GSE1: variants seen among roughly 807,000 people sequenced by gnomAD.
The protein encoded by GSE1 is Gse1 coiled-coil protein.
A neutral mutation model predicts 112.6 loss-of-function variants in GSE1; 32 were observed. That is an observed-to-expected ratio of 0.28 (90% CI 0.21 to 0.38). The LOEUF (loss-of-function observed/expected upper bound fraction) is 0.38. GSE1 is among the 10% of genes least tolerant of loss of function. The pLI, the probability that GSE1 is intolerant of heterozygous loss-of-function variation, is 1.00. For missense variants in GSE1, 2,348 were observed against 1,699.2 expected (o/e 1.38, Z -6.71); for synonymous variants, 1,115 against 735.6 (o/e 1.52, Z -8.35).
At chr16:85,428,443 C>T (rs534058066) in intron 2 of GSE1, among the ~76,000 whole-genome samples, 1 of 152,246 alleles carries the variant, frequency 6.6e-6, no homozygotes, top group African/African-American at 2.4e-5. Context: ...TTGAACCTTA[C>T]CAAGCCTCAG....
intron 1 of GSE1, among the ~76,000 whole-genome samples, chr16:85,236,509 G>A (rs1904682238): frequency 6.6e-6 from 1 of 152,216 alleles, no homozygotes; most frequent in Non-Finnish European, 1.5e-5. Context: ...GGGGAGAACG[G>A]CCTGTGCATA....
intron 1 of GSE1, among the ~76,000 whole-genome samples, chr16:85,222,864 A>G (rs931797031): frequency 6.6e-6 from 1 of 152,202 alleles, no homozygotes; most frequent in African/African-American, 2.4e-5. Context: ...AGCTTCCTTC[A>G]TACGGTGGCT....
chr16:85,207,920 AG>A (rs1484541347), intron 1 of GSE1: 1 of 152,128 alleles, frequency 6.6e-6, no homozygotes, highest in African/African-American at 2.4e-5. Context: ...GCTGGGGGGT[AG>A]CTGGGTCTTT....
chr16:85,440,481 C>T (rs527326283), intron 2 of GSE1, among the ~76,000 whole-genome samples: 39 of 152,302 alleles, frequency 2.6e-4, no homozygotes, highest in East Asian at 9.6e-4. Flanking sequence ...CAGCAGGAGA[C>T]GGACAGCTGG....
chr16:85,239,022 G>A (rs181136520), intron 1 of GSE1, among the ~76,000 whole-genome samples: 367 of 152,156 alleles, frequency 2.4e-3, no homozygotes, highest in African/African-American at 8.5e-3. Flanking sequence ...CTGCCTCCCG[G>A]GTTCAAGCAA....
At chr16:85,296,377 G>A (rs913130374) in intron 1 of GSE1, among the ~76,000 whole-genome samples, 4 of 152,134 alleles carry the variant, frequency 2.6e-5, no homozygotes, top group Non-Finnish European at 5.9e-5. Context: ...GGCCGAGCTG[G>A]GTGGACTGCC....
chr16:85,663,440 G>A lies in GSE1; in HGVS notation c.2470G>A (p.Glu824Lys). 6.2e-7 allele frequency: 1 copy of A among 1,613,924 alleles called. No homozygotes were observed. Among genetic ancestry groups the A allele is most frequent in the Non-Finnish European group, 8.5e-7 (1 of 1,180,044 alleles). Reference protein sequence around the residue: ...KRRKRRRMLRERSPSPPTIQS... With the variant: ...KRRKRRRMLRKRSPSPPTIQS... Reference sequence around the variant, plus strand: ...GAGGAAGCGGCGGAGGATGCTGCGAGAGAGAAGCCCGTCGCCCCCAACAAT... The same window carrying A: ...GAGGAAGCGGCGGAGGATGCTGCGAAAGAGAAGCCCGTCGCCCCCAACAAT... The change falls in exon 11 of 16, where the codon GAG becomes AAG. Residue 824 changes from glutamate to lysine, a missense_variant. Physicochemically the swap from Glu to Lys is moderately conservative, Grantham distance 56. Transcript: ENST00000253458.
chr16:85,611,450 A>C, upstream of GSE1: 1 of 984,978 alleles, frequency 1.0e-6, no homozygotes, highest in Non-Finnish European at 1.2e-6. Context: ...CAAGGCCGCA[A>C]GGGGGGCGCC....
At chr16:85,189,059 C>A (rs568618872) in intron 1 of GSE1, among the ~76,000 whole-genome samples, 1 of 152,282 alleles carries the variant, frequency 6.6e-6, no homozygotes, top group Non-Finnish European at 1.5e-5. Context: ...CTGCCGGAAG[C>A]CTATTCCTCA....
intron 1 of GSE1, among the ~76,000 whole-genome samples, chr16:85,356,722 G>C (rs1422735015): frequency 2.6e-5 from 4 of 152,162 alleles, no homozygotes; most frequent in African/African-American, 9.7e-5. Context: ...GAACTCTTAG[G>C]CTCAAGCCAT....
rs527728632 is a variant in GSE1 at position 85,191,393 on chromosome 16, G to A, written c.2283+19586G>A. Among the ~76,000 whole-genome samples, 478 of 152,162 alleles carry A rather than the reference G, an allele frequency of 3.1e-3. 3 individuals carry two copies. The highest frequency in any genetic ancestry group is 3.6e-3 in the Non-Finnish European group (248 of 68,008). ...TTCACAAAATTGTATAACCATCACC[G>A]CTGTCTAATCTTAGAAATTCACCCC... On this transcript the variant is annotated intron_variant, in intron 1 of 2. Transcript: ENST00000637419.
chr16:85,660,628 GTCTT>G (rs1265353750), intron 8 of GSE1, among the ~76,000 whole-genome samples: 1 of 151,778 alleles, frequency 6.6e-6, no homozygotes. Context: ...GACAGAGTGA[GTCTT>G]TTTTTTTGTT....
chr16:85,198,866 CT>C (rs1273448876), intron 1 of GSE1, among the ~76,000 whole-genome samples: 1 of 152,124 alleles, frequency 6.6e-6, no homozygotes, highest in Non-Finnish European at 1.5e-5. Context: ...GCAGCCTCGA[CT>C]TCCTGGGCTC....
chr16:85,463,883 G>A (rs576427026), intron 2 of GSE1, among the ~76,000 whole-genome samples: 1 of 152,198 alleles, frequency 6.6e-6, no homozygotes, highest in Non-Finnish European at 1.5e-5. Context: ...CTCAGGCTGA[G>A]GGGCGGCCAG....
At chr16:85,323,331 G>A (rs1354323825) in intron 1 of GSE1, among the ~76,000 whole-genome samples, 1 of 152,192 alleles carries the variant, frequency 6.6e-6, no homozygotes, top group African/African-American at 2.4e-5. Flanking sequence ...TGGCAAGATA[G>A]AATTAGTGGC....
intron 2 of GSE1, among the ~76,000 whole-genome samples, chr16:85,524,887 G>A (rs561948576): frequency 1.4e-4 from 22 of 152,290 alleles, no homozygotes; most frequent in African/African-American, 5.1e-4. Flanking sequence ...GCATTGCTGG[G>A]ATCTCCCGAG....
chr16:85,398,385 G>A (rs2048016013), intron 2 of GSE1, among the ~76,000 whole-genome samples: 1 of 152,170 alleles, frequency 6.6e-6, no homozygotes, highest in Non-Finnish European at 1.5e-5. Flanking sequence ...AGCAGGAGGT[G>A]GAGGGGAAGT....
At chr16:85,616,785 C>A (rs532009352) in intron 1 of GSE1, among the ~76,000 whole-genome samples, 3 of 152,170 alleles carry the variant, frequency 2.0e-5, no homozygotes, top group South Asian at 2.1e-4. Context: ...TGGCCTTTCT[C>A]CCCCGGCTGA....
At chr16:85,672,021 C>T (rs962172645) in intron 15 of GSE1, 3 of 209,198 alleles carry the variant, frequency 1.4e-5, no homozygotes, top group African/African-American at 2.3e-5. Context: ...CTTTTTGAGG[C>T]GAAGTCTCAC....
Sources: gnomAD v4.1 joint callset for allele counts (sites outside exome capture counted in the v4.1 genomes callset) on GRCh38, gnomAD v4.1.1 for gene constraint, MANE v1.5 for transcripts, NCBI Gene and HGNC (gene_info 2026-07-23, HGNC 2026-07-21) for gene names.